Variants in LRRK2 observed in about 807,000 individuals in gnomAD.
The protein encoded by LRRK2 is leucine rich repeat kinase 2, also known as leucine-rich repeat serine/threonine-protein kinase 2.
In LRRK2, 203 loss-of-function variants were observed where a neutral mutation model predicts 302.6. The ratio of observed to expected loss-of-function variants is 0.67; its 90% CI spans 0.60 to 0.75. The LOEUF is 0.75. Among genes scored for constraint, LRRK2 ranks in the 30% least tolerant of loss-of-function variants. LRRK2 has a pLI of 0.00. For missense variants in LRRK2, 2,830 were observed against 2,951.0 expected, an observed-to-expected ratio of 0.96 and a Z score of 0.95; for synonymous variants, 1,066 against 1,031.9, an observed-to-expected ratio of 1.03 and a Z score of -0.63.
At chr12:40,240,922 C>A (rs528141957) in intron 6 of LRRK2, among the ~76,000 whole-genome samples, 45 of 152,210 alleles carry the variant, frequency 3.0e-4, no homozygotes, top group African/African-American at 1.1e-3. Flanking sequence ...TGGCAGATGG[C>A]AGAAGTACCT....
chr12:40,347,906 G>A (rs1481966217), intron 42 of LRRK2, among the ~76,000 whole-genome samples: 1 of 152,002 alleles, frequency 6.6e-6, no homozygotes, highest in African/African-American at 2.4e-5. Flanking sequence ...GCAGTGAGCC[G>A]AGATTGCGCC....
chr12:40,349,236 C>G (rs918956180), intron 43 of LRRK2, among the ~76,000 whole-genome samples: 1 of 152,076 alleles, frequency 6.6e-6, no homozygotes, highest in Non-Finnish European at 1.5e-5. Context: ...TGCATATCCA[C>G]GTGTACACTG....
intron 13 of LRRK2, among the ~76,000 whole-genome samples, chr12:40,260,474 G>A (rs528882008): frequency 1.1e-4 from 17 of 151,576 alleles, no homozygotes; most frequent in African/African-American, 2.9e-4. Context: ...GCACATGGTC[G>A]GGGGTGAGTG....
At chr12:40,261,153 T>C (rs2136528591) in intron 13 of LRRK2, among the ~76,000 whole-genome samples, 1 of 152,304 alleles carries the variant, frequency 6.6e-6, no homozygotes, top group South Asian at 2.1e-4. Context: ...GATGTAATTT[T>C]ACTTGAAAAT....
At position 40,364,864 on chromosome 12, in the gene LRRK2, A is replaced by G; in HGVS notation, c.7204A>G (p.Lys2402Glu). The change falls in exon 49 of 51, where the codon AAG (lysine) becomes GAG (glutamate). Residue 2402 changes from lysine (K) to glutamate (E), a missense_variant. Lys to Glu is a moderately conservative substitution (Grantham distance 56). This residue lies in a region of LRRK2 where 456 missense variants were observed against 456.3 expected (regional missense o/e 1.00). Transcript: ENST00000298910. ...TAGGGAGGTAATGGTAAAAGAAAACAAGGAATCAAAACACAAAATGTCTTA... is the reference window on the plus strand; with the variant it reads ...TAGGGAGGTAATGGTAAAAGAAAACGAGGAATCAAAACACAAAATGTCTTA... Reference protein sequence around the residue: ...FLREVMVKENKESKHKMSYSG... With the variant: ...FLREVMVKENEESKHKMSYSG... The G allele has an allele frequency of 2.5e-6, 4 of 1,612,012 alleles. No individual in the cohort carries two copies. The highest frequency in any genetic ancestry group is 3.4e-6 in the Non-Finnish European group (4 of 1,178,728).
At chr12:40,274,551 A>AT in intron 14 of LRRK2, 32 bp from the exon 15 acceptor site, 1 of 1,611,374 alleles carries the variant, frequency 6.2e-7, no homozygotes, top group Non-Finnish European at 8.5e-7. Context: ...TTAAGATCTC[A>AT]TTTTTAACAG....
Position 40,323,192 on chromosome 12 carries a change from C to T in LRRK2, c.5542C>T (p.Leu1848Phe). ...DLLVNPDQPRLTIPISQIAPD... is the reference protein window; with the variant it reads ...DLLVNPDQPRFTIPISQIAPD... The stretch of plus-strand genomic sequence containing the variant: ...CTTAGTAAATCCAGATCAACCAAGG[C>T]TCACCATTCCAATATCTCAGATTGC... Residue 1848 changes from leucine (L) to phenylalanine (F), a missense_variant, in exon 38 of 51, where the codon CTC becomes TTC. This residue lies in a region of LRRK2 where 2,121 missense variants were observed against 2,148.0 expected (regional missense o/e 0.99). Coordinates refer to ENST00000298910, the MANE Select transcript of LRRK2 (RefSeq NM_198578.4). The T allele has an allele frequency of 1.2e-6, 2 of 1,613,188 alleles. No individual in the cohort carries two copies. Among genetic ancestry groups the T allele is most frequent in the Non-Finnish European group, 8.5e-7 (1 of 1,179,354 alleles).
intron 25 of LRRK2, 38 bp downstream of exon 25, chr12:40,299,295 T>G: frequency 6.2e-7 from 1 of 1,609,832 alleles, no homozygotes; most frequent in Non-Finnish European, 8.5e-7. Context: ...TACCAGGCCC[T>G]CTAAGTTGTA....
At chr12:40,257,130 A>T (rs36223896) in intron 11 of LRRK2, 118 bp from the exon 12 acceptor site, 21 of 722,374 alleles carry the variant, frequency 2.9e-5, no homozygotes, top group Non-Finnish European at 4.8e-5. Context: ...ACTATAAATT[A>T]TGTGTGCTCT....
intron 5 of LRRK2, among the ~76,000 whole-genome samples, chr12:40,239,585 G>A (rs1419974986): frequency 1.3e-5 from 2 of 152,132 alleles, no homozygotes; most frequent in East Asian, 3.8e-4. Context: ...AGAGGGTTAT[G>A]ACTATAAATG....
intron 38 of LRRK2, among the ~76,000 whole-genome samples, chr12:40,326,505 A>G (rs1230106740): frequency 1.3e-5 from 2 of 151,586 alleles, no homozygotes; most frequent in Non-Finnish European, 2.9e-5. Flanking sequence ...AAAAACAACT[A>G]GAAGTCCCTA....
chr12:40,249,580 C>T (rs1303127763), intron 7 of LRRK2, among the ~76,000 whole-genome samples: 5 of 152,090 alleles, frequency 3.3e-5, no homozygotes, highest in Non-Finnish European at 7.4e-5. Context: ...GTTAATACAA[C>T]GCAAACTAGT....
chr12:40,363,180 A>C (rs1483307339), intron 47 of LRRK2, among the ~76,000 whole-genome samples: 2 of 152,084 alleles, frequency 1.3e-5, no homozygotes, highest in African/African-American at 4.8e-5. Context: ...TATTATCACA[A>C]GAAATTAATA....
chr12:40,298,194 A>C, intron 23 of LRRK2, 49 bp from the exon 24 acceptor site: 1 of 1,598,024 alleles, frequency 6.3e-7, no homozygotes, highest in East Asian at 2.2e-5. Context: ...AGCTAGACTT[A>C]AGTTCCTCAG....
chr12:40,327,644 T>C (rs1377969483), intron 38 of LRRK2, among the ~76,000 whole-genome samples: 1 of 151,988 alleles, frequency 6.6e-6, no homozygotes, highest in Non-Finnish European at 1.5e-5. Context: ...AGTGACACAA[T>C]CAAAGTGGAA....
chr12:40,231,432 A>G (rs1192058746), intron 2 of LRRK2, among the ~76,000 whole-genome samples: 4 of 149,560 alleles, frequency 2.7e-5, no homozygotes, highest in Non-Finnish European at 5.9e-5. Flanking sequence ...GGTGGCACAT[A>G]CCTGTAGTCC....
chr12:40,352,883 T>C (rs1272563903), intron 44 of LRRK2, among the ~76,000 whole-genome samples: 1 of 152,150 alleles, frequency 6.6e-6, no homozygotes, highest in Non-Finnish European at 1.5e-5. Flanking sequence ...ACAGCAACAA[T>C]CTGATTTCTG....
intron 33 of LRRK2, chr12:40,316,503 C>T (rs1396421997): frequency 9.2e-6 from 2 of 216,526 alleles, no homozygotes; most frequent in Non-Finnish European, 1.6e-5. Context: ...GTAGTGTGAC[C>T]CAGAGCACTT....
chr12:40,274,882 A>G lies in LRRK2; in HGVS notation c.1830A>G (p.Ile610Met). 6.2e-7 allele frequency: 1 copy of G among 1,612,412 alleles called. No individual in the cohort carries two copies. The change falls in exon 16 of 51, where the codon ATA becomes ATG. Residue 610 changes from isoleucine to methionine, a missense_variant. By Grantham distance (10) the Ile-to-Met change is conservative. This residue lies in a region of LRRK2 where 2,121 missense variants were observed against 2,148.0 expected (regional missense o/e 0.99). Coordinates refer to ENST00000298910, the MANE Select transcript of LRRK2 (RefSeq NM_198578.4). ...QEIQCLGLSL[I>M]GYLITKKNVF... ...TTCAGTGTCTGGGTTTAAGTCTTAT[A>G]GGATACTTGATTACAAAGAAGAATG... is the stretch of plus-strand genomic sequence containing the variant.
Sources: allele counts gnomAD v4.1 joint callset (sites outside exome capture counted in the v4.1 genomes callset), GRCh38; gene constraint gnomAD v4.1.1; regional missense constraint gnomAD v4.1.1; transcripts MANE v1.5; gene names NCBI Gene and HGNC (gene_info 2026-07-23, HGNC 2026-07-21).